Variants in SVIL observed in about 807,000 individuals in gnomAD.
SVIL encodes supervillin, also known as archvillin.
Under a neutral mutation model 240.4 loss-of-function variants are expected in SVIL, and 101 were observed. The ratio of observed to expected loss-of-function variants is 0.42; its 90% CI spans 0.36 to 0.50. The LOEUF (loss-of-function observed/expected upper bound fraction) is 0.50, where lower values mean the gene tolerates loss of function less well. SVIL is among the 20% of genes least tolerant of loss of function. The probability of loss-of-function intolerance (pLI) is 0.01; values close to 1 mark genes in which losing one functional copy is unlikely to be tolerated. For synonymous variants in SVIL, 999 were observed against 1,100.0 expected, an observed-to-expected ratio of 0.91 and a Z score of 1.82; for missense variants, 2,512 against 2,818.7, an observed-to-expected ratio of 0.89 and a Z score of 2.46.
In SVIL at chr10:29,473,727, G is replaced by A. The variant is rs2281948; in HGVS notation, c.5529+111C>T. 0.015 allele frequency: 21,640 copies of A among 1,431,538 alleles called. 1,481 individuals carry two copies. In the East Asian group the frequency reaches 0.22, roughly 15 times the overall value. The allele number at this position is 1,431,538 out of a possible 1,614,324, so 88.7% of individuals were successfully genotyped here. ...CCAGGACTGAAGTGCTTTGGGTGACGTGGTCTTCCATTATCAGAATCATGT... is the reference window on the plus strand; with the variant it reads ...CCAGGACTGAAGTGCTTTGGGTGACATGGTCTTCCATTATCAGAATCATGT... On this transcript the variant is annotated intron_variant, in intron 30 of 37. Transcript: ENST00000355867.
intron 3 of SVIL, among the ~76,000 whole-genome samples, chr10:29,642,436 A>AAAGG (rs1958517007): frequency 1.6e-5 from 2 of 124,052 alleles, no homozygotes; most frequent in South Asian, 5.5e-4. Context: ...AGAAAGAAAG[A>AAAGG]AAGAAAGAAA....
At chr10:29,688,650 C>T (rs1373690772) in intron 1 of SVIL, among the ~76,000 whole-genome samples, 1 of 152,158 alleles carries the variant, frequency 6.6e-6, no homozygotes, top group Non-Finnish European at 1.5e-5. Flanking sequence ...GTGTGAGGAG[C>T]TCTTTTTAAA....
chr10:29,486,280 G>C (rs562837908), intron 25 of SVIL, 50 bp from the exon 26 acceptor site: 3 of 1,600,332 alleles, frequency 1.9e-6, no homozygotes, highest in Admixed American at 1.7e-5. Context: ...TTGCAAAGTA[G>C]CTGCAATGTA....
intron 17 of SVIL, among the ~76,000 whole-genome samples, chr10:29,512,489 T>C (rs1949909280): frequency 1.3e-5 from 2 of 152,238 alleles, no homozygotes; most frequent in Admixed American, 1.3e-4. Context: ...GTCCACACTT[T>C]AAAATTCAGG....
intron 1 of SVIL, among the ~76,000 whole-genome samples, chr10:29,701,474 C>A (rs1187391610): frequency 2.0e-5 from 3 of 152,082 alleles, no homozygotes; most frequent in African/African-American, 7.2e-5. Flanking sequence ...GTATAACGCC[C>A]AAGTTTCCTC....
intron 1 of SVIL, among the ~76,000 whole-genome samples, chr10:29,691,099 T>G (rs777079167): frequency 2.0e-4 from 31 of 152,292 alleles, no homozygotes; most frequent in Middle Eastern, 3.4e-3. Context: ...TAAATAAAAC[T>G]GCAATGTTCT....
chr10:29,641,800 G>A (rs1958494294), intron 3 of SVIL, among the ~76,000 whole-genome samples: 1 of 152,156 alleles, frequency 6.6e-6, no homozygotes, highest in Admixed American at 6.5e-5. Context: ...CAAGCTGTGA[G>A]GCTTACAAGG....
intron 2 of SVIL, among the ~76,000 whole-genome samples, chr10:29,674,454 G>T (rs1014529180): frequency 5.9e-5 from 9 of 152,170 alleles, no homozygotes; most frequent in Admixed American, 2.6e-4. Flanking sequence ...AAGCAATAAA[G>T]TTCCTGGCCT....
In SVIL at chr10:29,487,174, C is replaced by T. The variant is rs761809332; in HGVS notation, c.4474G>A (p.Glu1492Lys). ...TTTCAGGTACCAACCTTCGCCTTTT[C>T]TATGACGTTTGCAAACTCTCCTACC... ...LWVGEFANVIEKAKASELATL... is the reference protein window; with the variant it reads ...LWVGEFANVIKKAKASELATL... The change falls in exon 24 of 38, where the codon GAA (glutamate) becomes AAA (lysine). Residue 1492 changes from glutamate (E) to lysine (K), a missense_variant. Around this residue, in one of 3 missense-constraint regions of SVIL, gnomAD observed 272 missense variants for 406.8 expected, o/e 0.67. Coordinates refer to ENST00000355867, the MANE Select transcript of SVIL (RefSeq NM_021738.3). 6.2e-7 allele frequency: 1 copy of T among 1,613,992 alleles called. No homozygotes were observed. The highest frequency in any genetic ancestry group is 8.5e-7 in the Non-Finnish European group (1 of 1,179,904).
chr10:29,680,042 C>T (rs538875834), intron 2 of SVIL, among the ~76,000 whole-genome samples: 4 of 152,114 alleles, frequency 2.6e-5, no homozygotes, highest in South Asian at 2.1e-4. Context: ...AAAAATTACC[C>T]GGCATAGTTG....
intron 26 of SVIL, 68 bp downstream of exon 26, chr10:29,486,017 A>G (rs770176229): frequency 2.5e-5 from 39 of 1,586,358 alleles, no homozygotes; most frequent in South Asian, 9.0e-5. Context: ...TCTCTAATCT[A>G]TTGGGCAGCC....
chr10:29,463,586 C>A lies in SVIL; in HGVS notation c.6183G>T (p.Trp2061Cys). 1 of 1,614,172 alleles carries A rather than the reference C, an allele frequency of 6.2e-7. No individual in the cohort carries two copies. The highest frequency in any genetic ancestry group is 8.5e-7 in the Non-Finnish European group (1 of 1,180,028). Residue 2061 changes from tryptophan to cysteine, a missense_variant, in exon 35 of 38, where the codon TGG becomes TGT. Around this residue, in one of 3 missense-constraint regions of SVIL, gnomAD observed 797 missense variants for 925.3 expected, o/e 0.86. Transcript: ENST00000355867. ...NHHEVYLWQG[W>C]WPIENKITGS... ...CAGTGATCTTGTTCTCGATGGGCCA[C>A]CAGCCTTGCCAGAGGTACACCTCGT...
Position 29,527,061 on chromosome 10 carries a change from A to G in SVIL, c.2247-5T>C. ...CACGAAGCGGGGATAGGTTCACTTT[A>G]AAAGCAATTGCCAAAGAGGAAACAT... On this transcript the variant is annotated splice_region_variant and splice_polypyrimidine_tract_variant and intron_variant, in intron 12 of 37. Transcript: ENST00000355867. The G allele has an allele frequency of 3.1e-6, 5 of 1,612,618 alleles. No individual in the cohort carries two copies. Among genetic ancestry groups the G allele is most frequent in the Non-Finnish European group, 4.2e-6 (5 of 1,178,990 alleles).
chr10:29,495,425 C>T (rs190049330), intron 18 of SVIL, among the ~76,000 whole-genome samples: 4 of 152,238 alleles, frequency 2.6e-5, no homozygotes, highest in Admixed American at 6.5e-5. Flanking sequence ...CCAAAATGAA[C>T]GGTGGAGACG....
In SVIL at chr10:29,470,295, C is replaced by T. The variant is rs751818913; in HGVS notation, c.5824G>A (p.Ala1942Thr). The T allele has an allele frequency of 3.1e-6, 5 of 1,614,102 alleles. No individual in the cohort carries two copies. Among genetic ancestry groups the T allele is most frequent in the Non-Finnish European group, 4.2e-6 (5 of 1,180,050 alleles). ...AHTKEVGRTA[A>T]NKIKEQCPLE... ...ACTCACTGTTCCTTGATCTTGTTCGCAGCGGTCCTTCCGACCTCCTTCGTG... is the reference window on the plus strand; with the variant it reads ...ACTCACTGTTCCTTGATCTTGTTCGTAGCGGTCCTTCCGACCTCCTTCGTG... Residue 1942 changes from alanine (A) to threonine (T), a missense_variant, in exon 32 of 38, where the codon GCG becomes ACG. Transcript: ENST00000355867.
intron 15 of SVIL, among the ~76,000 whole-genome samples, chr10:29,523,066 AG>A (rs1950665612): frequency 6.6e-6 from 1 of 152,230 alleles, no homozygotes; most frequent in Non-Finnish European, 1.5e-5. Context: ...ACAGGCATGC[AG>A]GAAGAAGCAC....
chr10:29,533,094 A>T lies in SVIL; in HGVS notation c.1273T>A (p.Ser425Thr). Residue 425 changes from serine to threonine, a missense_variant, in exon 8 of 38, where the codon TCA becomes ACA. Physicochemically the swap from Ser to Thr is moderately conservative, Grantham distance 58. Around this residue, in one of 3 missense-constraint regions of SVIL, gnomAD observed 1,443 missense variants for 1,486.6 expected, o/e 0.97. Coordinates refer to ENST00000355867, the MANE Select transcript of SVIL (RefSeq NM_021738.3). The part of the protein sequence containing the change: ...RDSPVLHVCE[S>T]KAEEEEGEGE... ...TCCCCTTCTTCTTCTTCTGCTTTTG[A>T]CTCGCAGACATGGAGAACTGGGCTA... is the stretch of plus-strand genomic sequence containing the variant. 1 of 1,613,496 alleles carries T rather than the reference A, an allele frequency of 6.2e-7. No individual in the cohort carries two copies. Among genetic ancestry groups the T allele is most frequent in the Non-Finnish European group, 8.5e-7 (1 of 1,179,866 alleles).
intron 1 of SVIL, among the ~76,000 whole-genome samples, chr10:29,724,973 G>C (rs186903435): frequency 7.2e-6 from 1 of 139,576 alleles, no homozygotes; most frequent in African/African-American, 2.7e-5. Context: ...AGGTTGCGGT[G>C]AGCCAAGATC....
At chr10:29,521,279 T>C (rs1482869182) in intron 16 of SVIL, among the ~76,000 whole-genome samples, 2 of 150,524 alleles carry the variant, frequency 1.3e-5, no homozygotes, top group East Asian at 2.0e-4. Context: ...AGACTTTTCA[T>C]TGTGGTTTAG....
Sources: allele counts gnomAD v4.1 joint callset (sites outside exome capture counted in the v4.1 genomes callset), GRCh38; gene constraint gnomAD v4.1.1; regional missense constraint gnomAD v4.1.1; transcripts MANE v1.5; gene names NCBI Gene and HGNC (gene_info 2026-07-23, HGNC 2026-07-21).